The following HSPA4L variants were observed in gnomAD, a reference collection of about 807,000 sequenced individuals.
HSPA4L encodes the protein heat shock protein family A (Hsp70) member 4 like, also known as heat shock 70 kDa protein 4L.
In HSPA4L, 48 loss-of-function variants were observed where a neutral mutation model predicts 100.3. The ratio of observed to expected loss-of-function variants is 0.48; its 90% CI spans 0.38 to 0.61. The LOEUF is 0.61. Among genes scored for constraint, HSPA4L ranks in the 20% least tolerant of loss-of-function variants. The pLI is 0.00. For synonymous variants in HSPA4L, 319 were observed against 328.2 expected (o/e 0.97, Z 0.30); for missense variants, 886 against 988.6 (o/e 0.90, Z 1.39).
At chr4:127,815,767 A>G (rs1408949020) in intron 12 of HSPA4L, among the ~76,000 whole-genome samples, 1 of 152,220 alleles carries the variant, frequency 6.6e-6, no homozygotes, top group Non-Finnish European at 1.5e-5. Context: ...GGGAGAGGAC[A>G]GGCATGAAGC....
chr4:127,836,923 GT>G lies in HSPA4L; in HGVS notation c.*4054del, dbSNP rs1734224417. 6.6e-6 allele frequency: 1 copy of G among 151,934 alleles called. No individual in the cohort carries two copies. Among genetic ancestry groups the G allele is most frequent in the East Asian group, 1.9e-4 (1 of 5,194 alleles). 9.4% of individuals were successfully genotyped at this position (151,934 alleles called of 1,614,324 possible). A position where few individuals can be genotyped will look rare whatever the true frequency, so the allele number is the denominator to read the frequency against. On this transcript the variant is annotated 3_prime_UTR_variant, in exon 19 of 19. Transcript: ENST00000296464. The stretch of plus-strand genomic sequence containing the variant: ...TTATTGGTAAAATATAACTTTCTCA[GT>G]TTTTAAAAGTTTACAAAATTTTTTT...
rs41278095 is a variant in HSPA4L at position 127,796,017 on chromosome 4, C to T, written c.306+109C>T. On this transcript the variant is annotated intron_variant, in intron 3 of 18. Coordinates refer to ENST00000296464, the MANE Select transcript of HSPA4L (RefSeq NM_014278.4). ...CTTTTTCCTCTAGATACAGTACATA[C>T]ACACCGAAGAGATAGTAGTTTTTGT... 2,473 of 905,098 alleles carry T rather than the reference C, an allele frequency of 2.7e-3. 4 individuals carry two copies. Among genetic ancestry groups the T allele is most frequent in the Non-Finnish European group, 3.7e-3 (2,227 of 606,868 alleles). The allele number at this position is 905,098 out of a possible 1,614,324, so 56.1% of individuals were successfully genotyped here.
chr4:127,822,606 C>A (rs1298892773), intron 14 of HSPA4L, among the ~76,000 whole-genome samples, 163 bp from the exon 15 acceptor site: 1 of 152,130 alleles, frequency 6.6e-6, no homozygotes, highest in African/African-American at 2.4e-5. Context: ...ATTTTACATT[C>A]CTCTCAGCAA....
intron 13 of HSPA4L, among the ~76,000 whole-genome samples, chr4:127,818,857 C>T (rs1355885381): frequency 1.3e-5 from 2 of 150,478 alleles, no homozygotes; most frequent in East Asian, 3.9e-4. Flanking sequence ...ATATAACCTG[C>T]ACATGTGCCC....
In HSPA4L at chr4:127,798,643, G is replaced by C; in HGVS notation, c.363G>C (p.Leu121=). The C allele has an allele frequency of 6.2e-7, 1 of 1,613,778 alleles. No homozygotes were observed. Among genetic ancestry groups the C allele is most frequent in the Non-Finnish European group, 8.5e-7 (1 of 1,179,786 alleles). The change falls in exon 4 of 19, where the codon CTG becomes CTC. Residue 121 remains leucine (L), a synonymous_variant. Transcript: ENST00000296464. ...PFAIEQVTGM[L]LAKLKETSEN... ...CAATTGAGCAAGTTACTGGAATGCT[G>C]TTAGCCAAGCTTAAAGAGACTTCAG... is the stretch of plus-strand genomic sequence containing the variant.
chr4:127,823,709 A>G (rs1733873301), intron 16 of HSPA4L, 85 bp downstream of exon 16: 1 of 725,072 alleles, frequency 1.4e-6, no homozygotes, highest in Non-Finnish European at 2.3e-6. Flanking sequence ...ATGTTCTATT[A>G]ATTTTTAATT....
rs761050289 is a variant in HSPA4L, at chr4:127,820,504, TC to T, written c.1753del (p.Gln585ArgfsTer8). On this transcript the variant is annotated frameshift_variant, in exon 14 of 19. Coordinates refer to ENST00000296464, the MANE Select transcript of HSPA4L (RefSeq NM_014278.4). LOFTEE classifies it high-confidence loss of function. Reference sequence around the variant, plus strand: ...AAAGTCAAAAGTATTGATCTACCGATCCAGAGTAGCCTATGTAGACAACTAG... The same window carrying T: ...AAAGTCAAAAGTATTGATCTACCGATCAGAGTAGCCTATGTAGACAACTAG... ...KGKVKSIDLP[I>X]QSSLCRQLGQ... The T allele has an allele frequency of 6.2e-7, 1 of 1,603,206 alleles. No individual in the cohort carries two copies. The highest frequency in any genetic ancestry group is 1.4e-5 in the African/African-American group (1 of 74,066).
At chr4:127,791,308 A>C (rs1732868250) in intron 1 of HSPA4L, among the ~76,000 whole-genome samples, 1 of 152,188 alleles carries the variant, frequency 6.6e-6, no homozygotes, top group South Asian at 2.1e-4. Context: ...CATTGGAAGA[A>C]GAAGAATTGT....
In HSPA4L at chr4:127,782,465, G is replaced by T; in HGVS notation, c.-86G>T. ...CTCTCGTTTGCTTCTGGTAGGAGTCGCAATCCCAGCAGCAATAGCCCAGAA... is the reference window on the plus strand; with the variant it reads ...CTCTCGTTTGCTTCTGGTAGGAGTCTCAATCCCAGCAGCAATAGCCCAGAA... On this transcript the variant is annotated 5_prime_UTR_variant, in exon 1 of 19. Coordinates refer to ENST00000296464, the MANE Select transcript of HSPA4L (RefSeq NM_014278.4). 9.1e-7 allele frequency: 1 copy of T among 1,100,064 alleles called. No homozygotes were observed. The highest frequency in any genetic ancestry group is 1.4e-6 in the Non-Finnish European group (1 of 726,110). 68.1% of individuals were successfully genotyped at this position (1,100,064 alleles called of 1,614,324 possible).
In HSPA4L at chr4:127,833,722, CTT is replaced by C. The variant is rs990987486; in HGVS notation, c.*849_*850del. On this transcript the variant is annotated 3_prime_UTR_variant, in exon 19 of 19. Coordinates refer to ENST00000296464, the MANE Select transcript of HSPA4L (RefSeq NM_014278.4). The stretch of plus-strand genomic sequence containing the variant: ...GCCTTGTTTCAGTTATAATAGTTGT[CTT>C]GTTTTTTTCTTAATTGATTTTGTTA... 6.6e-6 allele frequency: 1 copy of C among 152,088 alleles called. No homozygotes were observed. Among genetic ancestry groups the C allele is most frequent in the Non-Finnish European group, 1.5e-5 (1 of 68,000 alleles). The allele number at this position is 152,088 out of a possible 1,614,324, so 9.4% of individuals were successfully genotyped here.
chr4:127,815,463 T>C (rs1296271235), intron 12 of HSPA4L, among the ~76,000 whole-genome samples: 1 of 151,924 alleles, frequency 6.6e-6, no homozygotes, highest in Non-Finnish European at 1.5e-5. Flanking sequence ...GGGCTGGAGT[T>C]TGAGTCCAGC....
upstream of HSPA4L, chr4:127,781,872 G>T: frequency 2.9e-6 from 1 of 343,244 alleles, no homozygotes; most frequent in Non-Finnish European, 6.0e-6. Flanking sequence ...TGAGGGCAGG[G>T]GGTGAGGGGG....
chr4:127,805,164 T>A lies in HSPA4L; in HGVS notation c.1077T>A (p.Leu359=), dbSNP rs1733316211. 1.9e-6 allele frequency: 3 copies of A among 1,612,016 alleles called. No homozygotes were observed. The highest frequency in any genetic ancestry group is 1.7e-5 in the Admixed American group (1 of 59,918). Residue 359 remains leucine, a synonymous_variant, in exon 9 of 19, where the codon CTT becomes CTA. Transcript: ENST00000296464. ...AVKEQITKFF[L]KDISTTLNAD... ...AAGAACAAATCACTAAATTCTTTCT[T>A]AAAGACATAAGTACCACATTAAATG...
chr4:127,822,880 TTCA>T lies in HSPA4L; in HGVS notation c.1928_1930del (p.Ile643del), dbSNP rs1201354804. ...CAGGCTGGGCACTGTCTATGAAAAA[TTCA>T]TCACTCCAGAAGTAAGTCTAAATTC... On this transcript the variant is annotated inframe_deletion, in exon 15 of 19. Coordinates refer to ENST00000296464, the MANE Select transcript of HSPA4L (RefSeq NM_014278.4). The T allele has an allele frequency of 6.2e-7, 1 of 1,613,250 alleles. No individual in the cohort carries two copies. Among genetic ancestry groups the T allele is most frequent in the Admixed American group, 1.7e-5 (1 of 59,878 alleles).
At chr4:127,812,661 T>G in intron 12 of HSPA4L, 1 of 691,048 alleles carries the variant, frequency 1.4e-6, no homozygotes, top group Non-Finnish European at 2.5e-6. Flanking sequence ...TGTTTTTGTT[T>G]TGTTTTGTTT....
At chr4:127,818,285 A>G in intron 12 of HSPA4L, 40 bp from the exon 13 acceptor site, 1 of 1,374,880 alleles carries the variant, frequency 7.3e-7, no homozygotes, top group Non-Finnish European at 1.0e-6. Flanking sequence ...AACAAAAAAA[A>G]GACACTGCGT....
intron 1 of HSPA4L, among the ~76,000 whole-genome samples, chr4:127,786,101 G>C (rs1324707706): frequency 2.0e-5 from 3 of 152,200 alleles, no homozygotes; most frequent in African/African-American, 7.2e-5. Flanking sequence ...TGGTAAATTG[G>C]AATAGTGATT....
At chr4:127,813,109 A>G (rs1169903510) in intron 12 of HSPA4L, 1 of 1,302,050 alleles carries the variant, frequency 7.7e-7, no homozygotes, top group Non-Finnish European at 1.1e-6. Flanking sequence ...ATAGATTCGC[A>G]TATACGTGGC....
chr4:127,809,398 C>A, intron 11 of HSPA4L: 1 of 1,222,688 alleles, frequency 8.2e-7, no homozygotes, highest in Non-Finnish European at 1.2e-6. Flanking sequence ...CATGCACATT[C>A]ATTTGGATAC....
Sources: allele counts gnomAD v4.1 joint callset (sites outside exome capture counted in the v4.1 genomes callset), GRCh38; gene constraint gnomAD v4.1.1; transcripts MANE v1.5; gene names NCBI Gene and HGNC (gene_info 2026-07-23, HGNC 2026-07-21).